The following ATP10B variants were observed in gnomAD, a reference collection of about 807,000 sequenced individuals.
ATP10B encodes the protein ATPase phospholipid transporting 10B (putative), also known as phospholipid-transporting ATPase VB.
ATP10B carries 122 observed loss-of-function variants against 141.2 expected under a neutral mutation model. The observed-to-expected ratio is 0.86, with a 90% confidence interval of 0.75 to 1.00. The LOEUF is 1.00. ATP10B is among the 50% of genes least tolerant of loss of function. The probability of loss-of-function intolerance (pLI) is 0.00; values close to 1 mark genes in which losing one functional copy is unlikely to be tolerated. For missense variants in ATP10B, 1,876 were observed against 1,825.3 expected (o/e 1.03, Z -0.51); for synonymous variants, 685 against 692.0 (o/e 0.99, Z 0.16).
At chr5:160,715,134 G>T (rs1204104123) in intron 3 of ATP10B, among the ~76,000 whole-genome samples, 6 of 149,312 alleles carry the variant, frequency 4.0e-5, no homozygotes, top group African/African-American at 1.5e-4. Context: ...GAGCTGTGGT[G>T]GGCTCCACCA....
chr5:160,872,861 TG>T, the ATP10B span, among the ~76,000 whole-genome samples: 2 of 152,198 alleles, frequency 1.3e-5, no homozygotes, highest in Non-Finnish European at 2.9e-5. Context: ...TGCGGTCTTT[TG>T]TTTTGGTTTC....
intron 2 of ATP10B, among the ~76,000 whole-genome samples, chr5:160,758,833 A>C (rs1400022240): frequency 6.6e-6 from 1 of 152,226 alleles, no homozygotes; most frequent in East Asian, 1.9e-4. Context: ...TTTAGGTCTC[A>C]GTAAACCTTG....
intron 3 of ATP10B, among the ~76,000 whole-genome samples, chr5:160,704,211 G>A (rs1023954767): frequency 1.3e-5 from 2 of 151,522 alleles, no homozygotes; most frequent in South Asian, 4.2e-4. Flanking sequence ...ACTACCATGC[G>A]TGGCTATTTT....
At chr5:160,599,603 C>G (rs1756963905) in intron 21 of ATP10B, among the ~76,000 whole-genome samples, 1 of 152,166 alleles carries the variant, frequency 6.6e-6, no homozygotes, top group African/African-American at 2.4e-5. Context: ...AAGACTGAAC[C>G]ATGAGCAGGA....
rs1429585726 is a variant in ATP10B at position 160,785,675 on chromosome 5, G to T, written c.-447C>A. ...TAAGAAATGGTAGTTTCTCATCTTG[G>T]CAGTGGAGAGGAGTTCATTATCTCC... On this transcript the variant is annotated 5_prime_UTR_variant, in exon 2 of 26. Coordinates refer to ENST00000327245, the MANE Select transcript of ATP10B (RefSeq NM_025153.3). 1.6e-6 allele frequency: 2 copies of T among 1,287,816 alleles called. No individual in the cohort carries two copies. The highest frequency in any genetic ancestry group is 2.0e-6 in the Non-Finnish European group (2 of 987,736). 79.8% of individuals were successfully genotyped at this position (1,287,816 alleles called of 1,614,324 possible).
At chr5:160,593,475 G>A (rs1756465674) in intron 22 of ATP10B, among the ~76,000 whole-genome samples, 2 of 152,186 alleles carry the variant, frequency 1.3e-5, no homozygotes. Flanking sequence ...GGAAAAAACA[G>A]AGCAGAAAAA....
chr5:160,777,990 G>A (rs1395010931), intron 2 of ATP10B, among the ~76,000 whole-genome samples: 1 of 152,006 alleles, frequency 6.6e-6, no homozygotes, highest in African/African-American at 2.4e-5. Context: ...AAAATAAGGG[G>A]CATCCACATG....
chr5:160,871,406 G>T, the ATP10B span, among the ~76,000 whole-genome samples: 1 of 151,992 alleles, frequency 6.6e-6, no homozygotes, highest in Non-Finnish European at 1.5e-5. Flanking sequence ...CCGTACAGGT[G>T]GTATTTGGTT....
Position 160,649,175 on chromosome 5 carries a change from A to G in ATP10B, c.757T>C (p.Tyr253His), listed in dbSNP as rs80238233. Residue 253 changes from tyrosine (Y) to histidine (H), a missense_variant, in exon 8 of 26, where the codon TAT becomes CAT. Physicochemically the swap from Tyr to His is moderately conservative, Grantham distance 83. Transcript: ENST00000327245. ...CATGGGACATGAGATACTTACATAT[A>G]ACCCTTAAATTTGTTGAGGTGGTTG... ...PNNHLNKFKG[Y>H]MEHPDQTRTG... is the part of the protein sequence containing the mutation. 820 of 1,610,798 alleles carry G rather than the reference A, an allele frequency of 5.1e-4. 3 individuals are homozygous for G. The African/African-American group carries it at 9.0e-3, about 18-fold the overall frequency.
intron 1 of ATP10B, among the ~76,000 whole-genome samples, chr5:160,833,063 C>A (rs1021228079): frequency 6.6e-6 from 1 of 152,124 alleles, no homozygotes; most frequent in Admixed American, 6.6e-5. Flanking sequence ...AGCCTGGGAA[C>A]TTTACTAAAT....
chr5:160,874,078 G>T, the ATP10B span, among the ~76,000 whole-genome samples: 5 of 152,030 alleles, frequency 3.3e-5, no homozygotes, highest in Non-Finnish European at 7.4e-5. Context: ...CACCACTGGG[G>T]GCAGGGCACA....
intron 24 of ATP10B, among the ~76,000 whole-genome samples, chr5:160,579,985 A>T (rs1755441683): frequency 1.3e-5 from 2 of 152,118 alleles, no homozygotes; most frequent in South Asian, 4.2e-4. Flanking sequence ...GGTGTATAGG[A>T]ATGCTTGTGA....
intron 2 of ATP10B, among the ~76,000 whole-genome samples, chr5:160,775,974 C>T (rs572335560): frequency 6.6e-6 from 1 of 152,278 alleles, no homozygotes; most frequent in South Asian, 2.1e-4. Flanking sequence ...AGGAGATAAT[C>T]ATTGTAGCTG....
chr5:160,803,916 G>A (rs1490032893), intron 1 of ATP10B, among the ~76,000 whole-genome samples: 2 of 147,226 alleles, frequency 1.4e-5, no homozygotes, highest in Admixed American at 1.4e-4. Context: ...TGCTAGAGGA[G>A]GTCAACACAG....
chr5:160,681,516 G>A (rs1265959921), intron 6 of ATP10B, among the ~76,000 whole-genome samples: 1 of 152,146 alleles, frequency 6.6e-6, no homozygotes, highest in East Asian at 1.9e-4. Context: ...CAGAAGTGAT[G>A]GCATGCCTGC....
chr5:160,818,756 C>G, intron 1 of ATP10B, among the ~76,000 whole-genome samples: 1 of 152,136 alleles, frequency 6.6e-6, no homozygotes, highest in East Asian at 1.9e-4. Context: ...ACCCAAATGC[C>G]CAACAATGAT....
At chr5:160,574,922 G>A (rs11958828) in intron 24 of ATP10B, among the ~76,000 whole-genome samples, 5,456 of 151,644 alleles carry the variant, frequency 0.036, 318 homozygotes, top group African/African-American at 0.13. Context: ...TCAGCCCCTA[G>A]AGCTATGAGA....
At chr5:160,594,829 G>C (rs1324724298) in intron 22 of ATP10B, among the ~76,000 whole-genome samples, 2 of 152,160 alleles carry the variant, frequency 1.3e-5, no homozygotes, top group South Asian at 2.1e-4. Context: ...AATTCAACAA[G>C]AAGAGCTAAC....
intron 6 of ATP10B, among the ~76,000 whole-genome samples, chr5:160,676,110 T>TA (rs1341187971): frequency 6.6e-6 from 1 of 152,138 alleles, no homozygotes; most frequent in African/African-American, 2.4e-5. Context: ...TGGGTTACAT[T>TA]AATACAGTAT....
Sources: gnomAD v4.1 joint callset for allele counts (sites outside exome capture counted in the v4.1 genomes callset) on GRCh38, gnomAD v4.1.1 for gene constraint, MANE v1.5 for transcripts, NCBI Gene and HGNC (gene_info 2026-07-23, HGNC 2026-07-21) for gene names.